The following MAP2K5 variants were observed in gnomAD, a reference collection of about 807,000 sequenced individuals.
The protein encoded by MAP2K5 is mitogen-activated protein kinase kinase 5, also known as dual specificity mitogen-activated protein kinase kinase 5.
A neutral mutation model predicts 83.1 loss-of-function variants in MAP2K5; 49 were observed. That is an observed-to-expected ratio of 0.59 (90% CI 0.47 to 0.75). The LOEUF (loss-of-function observed/expected upper bound fraction) is 0.75, where lower values mean the gene tolerates loss of function less well. Among genes scored for constraint, MAP2K5 ranks in the 30% least tolerant of loss-of-function variants. The pLI is 0.00. For synonymous variants in MAP2K5, 202 were observed against 191.8 expected, an observed-to-expected ratio of 1.05 and a Z score of -0.44; for missense variants, 457 against 557.5, an observed-to-expected ratio of 0.82 and a Z score of 1.82.
intron 17 of MAP2K5, among the ~76,000 whole-genome samples, chr15:67,728,783 C>T (rs1428962052): frequency 6.6e-6 from 1 of 152,186 alleles, no homozygotes; most frequent in Admixed American, 6.5e-5. Flanking sequence ...TGTTGTATTA[C>T]ACATACTAAT....
intron 8 of MAP2K5, among the ~76,000 whole-genome samples, chr15:67,609,868 C>A (rs1307086558): frequency 6.6e-6 from 1 of 151,998 alleles, no homozygotes; most frequent in Non-Finnish European, 1.5e-5. Context: ...CAGGCGGAAG[C>A]CCTAAGATTA....
chr15:67,784,779 C>T (rs2090388690), intron 21 of MAP2K5, among the ~76,000 whole-genome samples: 1 of 152,190 alleles, frequency 6.6e-6, no homozygotes, highest in African/African-American at 2.4e-5. Context: ...TTCTGCCTTT[C>T]CACTTCTGCC....
At chr15:67,673,826 C>G (rs541192924) in intron 13 of MAP2K5, among the ~76,000 whole-genome samples, 2 of 152,018 alleles carry the variant, frequency 1.3e-5, no homozygotes, top group East Asian at 3.9e-4. Flanking sequence ...CATATTTTTG[C>G]TTTCTGGAGG....
chr15:67,588,513 A>G (rs1012347542), intron 6 of MAP2K5, among the ~76,000 whole-genome samples: 2 of 152,194 alleles, frequency 1.3e-5, no homozygotes, highest in African/African-American at 2.4e-5. Flanking sequence ...TAGATTCTAT[A>G]CTATTTGAGG....
intron 16 of MAP2K5, among the ~76,000 whole-genome samples, chr15:67,704,029 T>A (rs962770743): frequency 6.6e-6 from 1 of 152,162 alleles, no homozygotes; most frequent in Non-Finnish European, 1.5e-5. Context: ...TCTTTATAGC[T>A]GTATTTAGAA....
chr15:67,575,917 T>TCTTTCTTTCTTTC (rs2085049974), intron 3 of MAP2K5, among the ~76,000 whole-genome samples: 2 of 129,178 alleles, frequency 1.5e-5, no homozygotes, highest in African/African-American at 2.9e-5. Flanking sequence ...TCTTTCTTTC[T>TCTTTCTTTCTTTC]TTTTTTTTTT....
At chr15:67,669,071 C>A (rs1466945590) in intron 13 of MAP2K5, among the ~76,000 whole-genome samples, 1 of 152,086 alleles carries the variant, frequency 6.6e-6, no homozygotes, top group Admixed American at 6.6e-5. Flanking sequence ...CACAGACTTT[C>A]CAATTAGTGC....
intron 13 of MAP2K5, among the ~76,000 whole-genome samples, chr15:67,678,812 A>C (rs529708232): frequency 8.5e-4 from 129 of 152,132 alleles, no homozygotes; most frequent in Non-Finnish European, 1.3e-3. Flanking sequence ...AAAAATACAA[A>C]AATTAGCGGG....
intron 17 of MAP2K5, among the ~76,000 whole-genome samples, chr15:67,743,619 T>C (rs1435973235): frequency 6.6e-6 from 1 of 152,200 alleles, no homozygotes; most frequent in Non-Finnish European, 1.5e-5. Flanking sequence ...ATAAAGCTTA[T>C]CATGGAGCAG....
At position 67,690,290 on chromosome 15, in the gene MAP2K5, G is replaced by C. The variant is rs1478258256; in HGVS notation, c.848-2189G>C. On this transcript the variant is annotated intron_variant, in intron 13 of 21. Coordinates refer to ENST00000178640, the MANE Select transcript of MAP2K5 (RefSeq NM_145160.3). This position sits in a 1 kb window ranked among gnomAD's most constrained non-coding sequence, Gnocchi z 4.3. ...ACATTTAAGTGTCTACTGTGGCTAT[G>C]ATGTGTTGTGCTAACTACTGGGGCA... 3.3e-5 allele frequency among the ~76,000 whole-genome samples: 5 copies of C among 152,206 alleles called. No individual in the cohort carries two copies. Among genetic ancestry groups the C allele is most frequent in the African/African-American group, 9.7e-5 (4 of 41,450 alleles).
chr15:67,559,923 A>G lies in MAP2K5; in HGVS notation c.185-3360A>G, dbSNP rs913673286. ...TTGCTTCTTAGTACCACTACTTTCT[A>G]GTGTTGTTCTCTAACATATTTGTAC... On this transcript the variant is annotated intron_variant, in intron 2 of 21. Coordinates refer to ENST00000178640, the MANE Select transcript of MAP2K5 (RefSeq NM_145160.3). This position sits in a 1 kb window ranked among gnomAD's most constrained non-coding sequence, Gnocchi z 4.7. Among the ~76,000 whole-genome samples, 4 of 152,148 alleles carry G rather than the reference A, an allele frequency of 2.6e-5. No individual in the cohort carries two copies. Among genetic ancestry groups the G allele is most frequent in the African/African-American group, 9.7e-5 (4 of 41,430 alleles).
At chr15:67,762,788 T>A (rs1451321054) in intron 19 of MAP2K5, among the ~76,000 whole-genome samples, 7 of 152,210 alleles carry the variant, frequency 4.6e-5, no homozygotes, top group East Asian at 1.9e-4. Flanking sequence ...ATAAGCCATC[T>A]GGTAGTGATG....
Position 67,748,339 on chromosome 15 carries a change from T to C in MAP2K5, c.1101+82T>C. 8.1e-7 allele frequency: 1 copy of C among 1,229,740 alleles called. No homozygotes were observed. The highest frequency in any genetic ancestry group is 1.2e-6 in the Non-Finnish European group (1 of 842,400). 76.2% of individuals were successfully genotyped at this position (1,229,740 alleles called of 1,614,324 possible). A position where few individuals can be genotyped will look rare whatever the true frequency, so the allele number is the denominator to read the frequency against. On this transcript the variant is annotated intron_variant, in intron 18 of 21. Transcript: ENST00000178640. The surrounding 1 kb of genome is among the most constrained non-coding windows in gnomAD (Gnocchi z 4.0). ...CTTTGCATGCTTGAATGCCTTGTTT[T>C]AAACTTAGCAAATTGCATTTTGAAG...
intron 12 of MAP2K5, 103 bp from the exon 13 acceptor site, chr15:67,664,494 C>A (rs2141153542): frequency 5.8e-6 from 4 of 688,026 alleles, no homozygotes; most frequent in East Asian, 5.4e-5. Context: ...CAGGGTGACA[C>A]CCTGTCTCAA....
At chr15:67,583,495 TA>T (rs1376929918) in intron 4 of MAP2K5, among the ~76,000 whole-genome samples, 1 of 152,160 alleles carries the variant, frequency 6.6e-6, no homozygotes, top group Non-Finnish European at 1.5e-5. Flanking sequence ...TGCTATGGTG[TA>T]ATTGTTTCTA....
rs150005821 is a variant in MAP2K5, at chr15:67,721,488, G to A, written c.1045-6428G>A. On this transcript the variant is annotated intron_variant, in intron 16 of 21. Transcript: ENST00000178640. Reference sequence around the variant, plus strand: ...GCTCTCAGACTACTTGGCACTTTTCGTATAGGCATAATGAGTTATTTGCTG... The same window carrying A: ...GCTCTCAGACTACTTGGCACTTTTCATATAGGCATAATGAGTTATTTGCTG... Among the ~76,000 whole-genome samples the A allele has an allele frequency of 1.7e-3, 254 of 152,266 alleles. 1 individual carries two copies. The highest frequency in any genetic ancestry group is 5.8e-3 in the African/African-American group (239 of 41,556).
Position 67,685,244 on chromosome 15 carries a change from A to G in MAP2K5, c.848-7235A>G, listed in dbSNP as rs190319520. ...CATTAAGTAGAGAAACAAAGATAAGATTGACAGCCGACTTCATGTCACAAG... is the reference window on the plus strand; with the variant it reads ...CATTAAGTAGAGAAACAAAGATAAGGTTGACAGCCGACTTCATGTCACAAG... On this transcript the variant is annotated intron_variant, in intron 13 of 21. Transcript: ENST00000178640. Among the ~76,000 whole-genome samples, 167 of 152,344 alleles carry G rather than the reference A, an allele frequency of 1.1e-3. 1 individual carries two copies. The highest frequency in any genetic ancestry group is 3.9e-3 in the African/African-American group (163 of 41,584).
At chr15:67,751,980 G>A (rs1187534517) in intron 19 of MAP2K5, among the ~76,000 whole-genome samples, 2 of 152,202 alleles carry the variant, frequency 1.3e-5, no homozygotes, top group East Asian at 3.9e-4. Context: ...TGTTCTCTAT[G>A]GGCACTCCTC....
chr15:67,604,767 C>G (rs1009587087), intron 8 of MAP2K5, among the ~76,000 whole-genome samples: 3 of 151,622 alleles, frequency 2.0e-5, no homozygotes, highest in African/African-American at 7.3e-5. Flanking sequence ...TGGTGGTGGG[C>G]GCCTGTAGTC....
Sources: gnomAD v4.1 joint callset for allele counts (sites outside exome capture counted in the v4.1 genomes callset) on GRCh38, gnomAD v4.1.1 for gene constraint, Gnocchi (gnomAD v3.1) non-coding constraint, MANE v1.5 for transcripts, NCBI Gene and HGNC (gene_info 2026-07-23, HGNC 2026-07-21) for gene names.